CHSY1: variants seen among roughly 807,000 people sequenced by gnomAD.
CHSY1 encodes the protein N-acetylgalactosaminyl-proteoglycan 3-beta-glucuronosyltransferase 1.
In CHSY1, 13 loss-of-function variants were observed where a neutral mutation model predicts 59.8. The ratio of observed to expected loss-of-function variants is 0.22; its 90% CI spans 0.14 to 0.35. The LOEUF (loss-of-function observed/expected upper bound fraction) is 0.35, where lower values mean the gene tolerates loss of function less well. Ranked by LOEUF, CHSY1 falls within the 10% of genes least tolerant of loss-of-function variation. The pLI, the probability that CHSY1 is intolerant of heterozygous loss-of-function variation, is 1.00. For synonymous variants in CHSY1, 459 were observed against 401.2 expected, an observed-to-expected ratio of 1.14 and a Z score of -1.72; for missense variants, 947 against 1,030.6, an observed-to-expected ratio of 0.92 and a Z score of 1.11.
chr15:101,210,157 T>C (rs1378995672), intron 2 of CHSY1, among the ~76,000 whole-genome samples: 3 of 152,250 alleles, frequency 2.0e-5, no homozygotes, highest in Non-Finnish European at 4.4e-5. Context: ...GATTTGATTA[T>C]AATCACTCAC....
intron 2 of CHSY1, among the ~76,000 whole-genome samples, chr15:101,215,754 C>A (rs938913534): frequency 6.6e-6 from 1 of 152,152 alleles, no homozygotes. Flanking sequence ...GATACGAATT[C>A]ATCAACAAAT....
chr15:101,229,435 G>C (rs770092581), intron 2 of CHSY1, among the ~76,000 whole-genome samples: 4 of 152,050 alleles, frequency 2.6e-5, no homozygotes, highest in Non-Finnish European at 5.9e-5. Flanking sequence ...AGACAAAACA[G>C]ACTTCAGACA....
In CHSY1 at chr15:101,178,722, G is replaced by A. The variant is rs3743193; in HGVS notation, c.1075C>T (p.Pro359Ser). ...GGCTGAAACCTCATGAAGGAGGGAG[G>A]GATTCCCAGCTGGAGGTCCTCTTTA... The part of the protein sequence containing the change: ...IHKEDLQLGI[P>S]PSFMRFQPRQ... The change falls in exon 3 of 3, where the codon CCT becomes TCT. Residue 359 changes from proline (P) to serine (S), a missense_variant. This residue lies in a region of CHSY1 where 602 missense variants were observed against 676.9 expected (regional missense o/e 0.89). Transcript: ENST00000254190. 173,161 of 1,614,050 alleles carry A rather than the reference G, an allele frequency of 0.11. 9,737 individuals are homozygous for A. The highest frequency in any genetic ancestry group is 0.23 in the East Asian group (10,274 of 44,870).
intron 2 of CHSY1, among the ~76,000 whole-genome samples, chr15:101,229,593 T>C (rs1596450165): frequency 3.9e-5 from 6 of 152,034 alleles, no homozygotes; most frequent in South Asian, 2.1e-4. Context: ...AAGGAAGAAA[T>C]AGAGAATTCA....
chr15:101,219,801 G>A (rs1248286807), intron 2 of CHSY1, among the ~76,000 whole-genome samples: 1 of 152,118 alleles, frequency 6.6e-6, no homozygotes, highest in Non-Finnish European at 1.5e-5. Flanking sequence ...AGTTTCGCTC[G>A]TTTTGCCCAG....
At chr15:101,224,513 C>T (rs62019752) in intron 2 of CHSY1, among the ~76,000 whole-genome samples, 13 of 152,226 alleles carry the variant, frequency 8.5e-5, no homozygotes, top group Admixed American at 2.6e-4. Context: ...ATGGCAATGA[C>T]GGTTCTTAAA....
intron 1 of CHSY1, among the ~76,000 whole-genome samples, chr15:101,245,093 G>A (rs142146471): frequency 4.6e-5 from 7 of 152,122 alleles, no homozygotes; most frequent in African/African-American, 1.7e-4. Flanking sequence ...CAGCAACACC[G>A]CTGGGCTGAT....
At chr15:101,218,217 A>G (rs1307768856) in intron 2 of CHSY1, among the ~76,000 whole-genome samples, 2 of 152,264 alleles carry the variant, frequency 1.3e-5, no homozygotes, top group Admixed American at 1.3e-4. Flanking sequence ...GCCTGGAGAT[A>G]TGACAATAGA....
intron 2 of CHSY1, among the ~76,000 whole-genome samples, chr15:101,210,268 A>C (rs2038670741): frequency 6.6e-6 from 1 of 152,222 alleles, no homozygotes; most frequent in South Asian, 2.1e-4. Context: ...ATAATGTGCA[A>C]AGCAAAAGTG....
intron 2 of CHSY1, among the ~76,000 whole-genome samples, chr15:101,223,911 C>T (rs1406365995): frequency 6.6e-6 from 1 of 152,268 alleles, no homozygotes; most frequent in East Asian, 1.9e-4. Flanking sequence ...GCCCCTGTAA[C>T]GATGTCTCAG....
intron 2 of CHSY1, among the ~76,000 whole-genome samples, chr15:101,179,448 G>A (rs762301860): frequency 2.6e-5 from 4 of 152,188 alleles, no homozygotes; most frequent in South Asian, 2.1e-4. Flanking sequence ...CAACCTGAGC[G>A]AAGGAGTACC....
chr15:101,231,872 C>T (rs529342424), intron 2 of CHSY1, among the ~76,000 whole-genome samples: 16 of 152,316 alleles, frequency 1.1e-4, no homozygotes, highest in Admixed American at 8.5e-4. Context: ...AAAAACACCT[C>T]ACCTGAGTTG....
At chr15:101,196,804 G>A (rs1035344934) in intron 2 of CHSY1, among the ~76,000 whole-genome samples, 3 of 152,156 alleles carry the variant, frequency 2.0e-5, no homozygotes, top group Middle Eastern at 3.2e-3. Flanking sequence ...CAAGGGAACC[G>A]CTAGAGCTCA....
At position 101,248,829 on chromosome 15, in the gene CHSY1, C is replaced by A. The variant is rs188392178; in HGVS notation, c.320+2308G>T. 1.7e-3 allele frequency among the ~76,000 whole-genome samples: 254 copies of A among 152,310 alleles called. 2 individuals are homozygous for A. Among genetic ancestry groups the A allele is most frequent in the Admixed American group, 0.016 (238 of 15,304 alleles). Reference sequence around the variant, plus strand: ...TGAGACGGAGTCTTGCTCTGCCCCCCAGGATGGAGCGCAGTGACGCAATCT... The same window carrying A: ...TGAGACGGAGTCTTGCTCTGCCCCCAAGGATGGAGCGCAGTGACGCAATCT... On this transcript the variant is annotated intron_variant, in intron 1 of 2. Transcript: ENST00000254190.
intron 1 of CHSY1, 93 bp from the exon 2 acceptor site, chr15:101,235,670 CAATGGAAT>C: frequency 7.2e-7 from 1 of 1,393,214 alleles, no homozygotes; most frequent in Non-Finnish European, 1.0e-6. Flanking sequence ...TCGCCGTGTT[CAATGGAAT>C]GATAAAAAGC....
rs749945441 is a variant in CHSY1, at chr15:101,178,622, G to A, written c.1175C>T (p.Pro392Leu). The change falls in exon 3 of 3, where the codon CCC becomes CTC. Residue 392 changes from proline to leucine, a missense_variant. Around this residue, in one of 4 missense-constraint regions of CHSY1, gnomAD observed 602 missense variants for 676.9 expected, o/e 0.89. Transcript: ENST00000254190. The part of the protein sequence containing the change: ...KYLYSAVDGQ[P>L]PRRGMDSAQR... Reference sequence around the variant, plus strand: ...GGCGGAGTCCATTCCTCTTCGAGGGGGCTGGCCGTCAACTGCCGAATACAA... The same window carrying A: ...GGCGGAGTCCATTCCTCTTCGAGGGAGCTGGCCGTCAACTGCCGAATACAA... 7 of 1,614,210 alleles carry A rather than the reference G, an allele frequency of 4.3e-6. No homozygotes were observed. Among genetic ancestry groups the A allele is most frequent in the South Asian group, 3.3e-5 (3 of 91,086 alleles).
chr15:101,240,369 C>G (rs950885932), intron 1 of CHSY1, among the ~76,000 whole-genome samples: 4 of 152,218 alleles, frequency 2.6e-5, no homozygotes, highest in Admixed American at 2.0e-4. Context: ...GCAATATCAA[C>G]AAGTCCAGTT....
intron 2 of CHSY1, among the ~76,000 whole-genome samples, chr15:101,193,311 C>T (rs1049204109): frequency 3.9e-5 from 6 of 152,224 alleles, no homozygotes; most frequent in Admixed American, 2.0e-4. Flanking sequence ...AGCATCATAT[C>T]CTTGGGTCAG....
chr15:101,179,103 G>C, intron 2 of CHSY1, 123 bp from the exon 3 acceptor site: 2 of 888,174 alleles, frequency 2.3e-6, no homozygotes, highest in South Asian at 1.4e-5. Flanking sequence ...AAAGGCCCTA[G>C]ATAAGGCCCG....
Sources: allele counts gnomAD v4.1 joint callset (sites outside exome capture counted in the v4.1 genomes callset), GRCh38; gene constraint gnomAD v4.1.1; regional missense constraint gnomAD v4.1.1; transcripts MANE v1.5; gene names NCBI Gene and HGNC (gene_info 2026-07-23, HGNC 2026-07-21).